The following ADAM32 variants were observed in gnomAD, a reference collection of about 807,000 sequenced individuals.
ADAM32 encodes the protein disintegrin and metalloproteinase domain-containing protein 32.
A neutral mutation model predicts 114.9 loss-of-function variants in ADAM32; 89 were observed. The observed-to-expected ratio is 0.77, with a 90% CI of 0.65 to 0.92. The LOEUF (loss-of-function observed/expected upper bound fraction) is 0.92, where lower values mean the gene tolerates loss of function less well. ADAM32 is among the 40% of genes least tolerant of loss of function. The pLI is 0.00. For synonymous variants in ADAM32, 285 were observed against 307.5 expected, an observed-to-expected ratio of 0.93 and a Z score of 0.77; for missense variants, 870 against 932.8, an observed-to-expected ratio of 0.93 and a Z score of 0.88.
intron 19 of ADAM32, among the ~76,000 whole-genome samples, chr8:39,261,379 T>C (rs1812018793): frequency 6.6e-6 from 1 of 152,222 alleles, no homozygotes; most frequent in Non-Finnish European, 1.5e-5. Context: ...ATCTGTGTTG[T>C]GGTGAATGAC....
At chr8:39,205,109 C>T (rs540406384) in intron 11 of ADAM32, among the ~76,000 whole-genome samples, 17 of 152,314 alleles carry the variant, frequency 1.1e-4, no homozygotes, top group South Asian at 6.2e-4. Flanking sequence ...GTCTGTTCTC[C>T]GATCTCAAAC....
chr8:39,222,727 C>A (rs1378145435), intron 13 of ADAM32, among the ~76,000 whole-genome samples: 3 of 151,910 alleles, frequency 2.0e-5, no homozygotes, highest in African/African-American at 7.2e-5. Flanking sequence ...TTATTTTCAC[C>A]CAAAAGAAAT....
At chr8:39,225,285 C>T (rs938645279) in intron 14 of ADAM32, among the ~76,000 whole-genome samples, 12 of 152,174 alleles carry the variant, frequency 7.9e-5, no homozygotes, top group African/African-American at 9.6e-5. Flanking sequence ...TGTTGCTCTA[C>T]ACCCACATGT....
At chr8:39,112,226 C>G (rs574087228) in intron 1 of ADAM32, among the ~76,000 whole-genome samples, 1 of 152,010 alleles carries the variant, frequency 6.6e-6, no homozygotes, top group Non-Finnish European at 1.5e-5. Context: ...TAGACATATA[C>G]GGTCCTTTTG....
chr8:39,255,874 C>T (rs1035131692), intron 18 of ADAM32, among the ~76,000 whole-genome samples: 1 of 151,930 alleles, frequency 6.6e-6, no homozygotes, highest in African/African-American at 2.4e-5. Context: ...AAATTTAAGT[C>T]TTTGATCCCT....
At chr8:39,235,819 G>A (rs933629443) in intron 16 of ADAM32, among the ~76,000 whole-genome samples, 13 of 152,062 alleles carry the variant, frequency 8.5e-5, no homozygotes, top group African/African-American at 3.1e-4. Flanking sequence ...AAGGACCAGC[G>A]AGAAGACTCA....
At chr8:39,110,680 T>G (rs374974830) in intron 1 of ADAM32, among the ~76,000 whole-genome samples, 1 of 152,268 alleles carries the variant, frequency 6.6e-6, no homozygotes, top group East Asian at 1.9e-4. Context: ...GAACTTCTTT[T>G]ATTAATGCTG....
At chr8:39,200,827 C>G (rs1025584468) in intron 11 of ADAM32, among the ~76,000 whole-genome samples, 11 of 152,162 alleles carry the variant, frequency 7.2e-5, no homozygotes, top group African/African-American at 2.7e-4. Flanking sequence ...GATCCAGTTT[C>G]AGCTTTCTAC....
chr8:39,210,074 G>A (rs760384990), intron 11 of ADAM32, among the ~76,000 whole-genome samples: 5 of 152,188 alleles, frequency 3.3e-5, no homozygotes, highest in African/African-American at 4.8e-5. Flanking sequence ...GCTGGCCAAG[G>A]CTTGGCTCTA....
chr8:39,277,307 A>G (rs377078960), intron 22 of ADAM32, among the ~76,000 whole-genome samples: 23 of 152,252 alleles, frequency 1.5e-4, no homozygotes, highest in African/African-American at 5.3e-4. Flanking sequence ...CTTCTGGCTT[A>G]CCGTGCACCA....
intron 15 of ADAM32, among the ~76,000 whole-genome samples, chr8:39,233,571 G>A (rs901949841): frequency 2.6e-5 from 4 of 151,952 alleles, no homozygotes; most frequent in African/African-American, 7.3e-5. Context: ...ATCTTATGCC[G>A]ATCTCCTGTC....
At chr8:39,186,763 C>A in intron 10 of ADAM32, 146 bp from the exon 11 acceptor site, 1 of 600,084 alleles carries the variant, frequency 1.7e-6, no homozygotes, top group Non-Finnish European at 2.6e-6. Flanking sequence ...ATAAGAAGAG[C>A]TTCAGCTTCT....
intron 14 of ADAM32, among the ~76,000 whole-genome samples, chr8:39,228,941 G>A (rs1163232408): frequency 6.6e-6 from 1 of 152,132 alleles, no homozygotes; most frequent in African/African-American, 2.4e-5. Flanking sequence ...AGAAGTACCA[G>A]GTAACCTAAA....
At chr8:39,266,853 G>T (rs777382969) in intron 19 of ADAM32, among the ~76,000 whole-genome samples, 6 of 152,112 alleles carry the variant, frequency 3.9e-5, no homozygotes, top group African/African-American at 1.2e-4. Flanking sequence ...GATACCTTAA[G>T]GGTTTCACTG....
chr8:39,240,608 G>C (rs1810494117), intron 16 of ADAM32, among the ~76,000 whole-genome samples: 1 of 152,164 alleles, frequency 6.6e-6, no homozygotes, highest in Non-Finnish European at 1.5e-5. Flanking sequence ...ATGTGGTTGG[G>C]GAGGCCTCAC....
intron 19 of ADAM32, among the ~76,000 whole-genome samples, chr8:39,258,052 TTGTTTTA>T (rs1318536340): frequency 6.6e-6 from 1 of 152,098 alleles, no homozygotes; most frequent in African/African-American, 2.4e-5. Context: ...CTACCTAGTA[TTGTTTTA>T]TGTATAATTT....
chr8:39,193,640 C>T (rs537623595), intron 11 of ADAM32, among the ~76,000 whole-genome samples: 31 of 152,268 alleles, frequency 2.0e-4, no homozygotes, highest in Admixed American at 1.9e-3. Context: ...GGTGTTCCTT[C>T]AATCCGTGAT....
chr8:39,140,086 G>A (rs1803049010), intron 3 of ADAM32, among the ~76,000 whole-genome samples: 1 of 152,132 alleles, frequency 6.6e-6, no homozygotes, highest in African/African-American at 2.4e-5. Flanking sequence ...TGAGATGATG[G>A]GGTTTTCTAA....
rs754841044 is a variant in ADAM32, at chr8:39,284,815, G to A, written c.*16G>A. The A allele has an allele frequency of 6.2e-7, 1 of 1,613,546 alleles. No individual in the cohort carries two copies. Among genetic ancestry groups the A allele is most frequent in the East Asian group, 2.2e-5 (1 of 44,858 alleles). On this transcript the variant is annotated 3_prime_UTR_variant, in exon 25 of 25. Coordinates refer to ENST00000379907, the MANE Select transcript of ADAM32 (RefSeq NM_145004.7). ...CAGTAACTAGTGATTCCTTCAGAAG[G>A]CAACGGATAACATCGAGAGTCTCGC...
Sources: gnomAD v4.1 joint callset for allele counts (sites outside exome capture counted in the v4.1 genomes callset) on GRCh38, gnomAD v4.1.1 for gene constraint, MANE v1.5 for transcripts, NCBI Gene and HGNC (gene_info 2026-07-23, HGNC 2026-07-21) for gene names.